Variants in MTHFD1L observed in about 807,000 individuals in gnomAD.
MTHFD1L encodes the protein monofunctional C1-tetrahydrofolate synthase, mitochondrial.
MTHFD1L carries 81 observed loss-of-function variants against 119.5 expected under a neutral mutation model. The ratio of observed to expected loss-of-function variants is 0.68; its 90% confidence interval spans 0.57 to 0.82. MTHFD1L has a LOEUF of 0.82. MTHFD1L is among the 40% of genes least tolerant of loss of function. The pLI, the probability that MTHFD1L is intolerant of heterozygous loss-of-function variation, is 0.00. For missense variants in MTHFD1L, 1,125 were observed against 1,253.4 expected, an observed-to-expected ratio of 0.90 and a Z score of 1.55; for synonymous variants, 430 against 475.2, an observed-to-expected ratio of 0.90 and a Z score of 1.24.
chr6:150,879,648 G>A (rs1315622966), intron 4 of MTHFD1L, among the ~76,000 whole-genome samples: 3 of 76,294 alleles, frequency 3.9e-5, no homozygotes, highest in Non-Finnish European at 6.9e-5. Flanking sequence ...TTTTTTTTCT[G>A]AGACGGAGTC....
At chr6:151,076,863 T>C (rs1254094480) in intron 26 of MTHFD1L, among the ~76,000 whole-genome samples, 1 of 152,180 alleles carries the variant, frequency 6.6e-6, no homozygotes, top group Non-Finnish European at 1.5e-5. Flanking sequence ...TATATGTCCA[T>C]GTAAAGATCC....
rs1789951343 is a variant in MTHFD1L at position 150,926,188 on chromosome 6, G to T, written c.1149G>T (p.Leu383Phe). Residue 383 changes from leucine (L) to phenylalanine (F), a missense_variant, in exon 11 of 28, where the codon TTG becomes TTT. Transcript: ENST00000367321. This position sits in a 1 kb window ranked among gnomAD's most constrained non-coding sequence, Gnocchi z 4.3. ...ATGTCCTTGCCAAGGAGATTGGATT[G>T]CTTGCAGATGAAATTGAAATCTATG... ...AVDVLAKEIGLLADEIEIYGK... is the reference protein window; with the variant it reads ...AVDVLAKEIGFLADEIEIYGK... 3.1e-6 allele frequency: 5 copies of T among 1,613,964 alleles called. No individual in the cohort carries two copies. The highest frequency in any genetic ancestry group is 1.3e-5 in the African/African-American group (1 of 74,888).
At chr6:151,001,697 G>A (rs960584789) in intron 20 of MTHFD1L, among the ~76,000 whole-genome samples, 2 of 152,216 alleles carry the variant, frequency 1.3e-5, no homozygotes, top group Admixed American at 1.3e-4. Context: ...TGCAGCGCCA[G>A]TGTTCTCTAC....
At position 150,926,559 on chromosome 6, in the gene MTHFD1L, C is replaced by A. The variant is rs563198409; in HGVS notation, c.1256+264C>A. Among the ~76,000 whole-genome samples the A allele has an allele frequency of 1.3e-5, 2 of 152,116 alleles. No homozygotes were observed. Among genetic ancestry groups the A allele is most frequent in the Non-Finnish European group, 2.9e-5 (2 of 68,008 alleles). On this transcript the variant is annotated intron_variant, in intron 11 of 27. Transcript: ENST00000367321. The surrounding 1 kb of genome is among the most constrained non-coding windows in gnomAD (Gnocchi z 4.3). ...ATATTATGTTGTTATTACCCCTGCTCCTCCTTGACTTTTTGAATTTCATTT... is the reference window on the plus strand; with the variant it reads ...ATATTATGTTGTTATTACCCCTGCTACTCCTTGACTTTTTGAATTTCATTT...
In MTHFD1L at chr6:150,936,809, C is replaced by T. The variant is rs1216082685; in HGVS notation, c.1262C>T (p.Thr421Ile). 4 of 1,613,682 alleles carry T rather than the reference C, an allele frequency of 2.5e-6. No individual in the cohort carries two copies. Among genetic ancestry groups the T allele is most frequent in the Non-Finnish European group, 2.5e-6 (3 of 1,179,654 alleles). ...CTTTCTCCCCCCGAACTCAGGATCA[C>T]ACCCACCCCTCTTGGAGAAGGGAAG... The part of the protein sequence containing the change: ...DGKYVLVAGI[T>I]PTPLGEGKST... The change falls in exon 12 of 28, where the codon ACA becomes ATA. Residue 421 changes from threonine to isoleucine, a missense_variant. By Grantham distance (89) the Thr-to-Ile change is moderately conservative. Around this residue, in one of 3 missense-constraint regions of MTHFD1L, gnomAD observed 1,058 missense variants for 1,151.2 expected, o/e 0.92. Transcript: ENST00000367321.
chr6:150,912,447 A>T (rs184726890), intron 8 of MTHFD1L, among the ~76,000 whole-genome samples: 16 of 152,134 alleles, frequency 1.1e-4, no homozygotes, highest in Non-Finnish European at 1.9e-4. Context: ...TGCTTTTTTG[A>T]TAAGAAGGAT....
chr6:151,008,307 C>T lies in MTHFD1L; in HGVS notation c.2126-1512C>T, dbSNP rs114140834. 5.5e-3 allele frequency among the ~76,000 whole-genome samples: 839 copies of T among 152,274 alleles called. 7 individuals carry two copies. The highest frequency in any genetic ancestry group is 0.019 in the African/African-American group (788 of 41,546). On this transcript the variant is annotated intron_variant, in intron 20 of 27. Coordinates refer to ENST00000367321, the MANE Select transcript of MTHFD1L (RefSeq NM_015440.5). ...CTGATATCTTAGTTAATTTTTCTCC[C>T]GCCAGTTCCGATCGGTGTCCTGGTC... is the stretch of plus-strand genomic sequence containing the variant.
chr6:150,911,555 G>T lies in MTHFD1L; in HGVS notation c.892+5794G>T, dbSNP rs922355380. ...TATGATGCTGGCATTTGCTTGGAAGGCCTTCTGGAAGGCCTCAGGAAACTT... is the reference window on the plus strand; with the variant it reads ...TATGATGCTGGCATTTGCTTGGAAGTCCTTCTGGAAGGCCTCAGGAAACTT... On this transcript the variant is annotated intron_variant, in intron 8 of 27. Coordinates refer to ENST00000367321, the MANE Select transcript of MTHFD1L (RefSeq NM_015440.5). Among the ~76,000 whole-genome samples, 5 of 152,238 alleles carry T rather than the reference G, an allele frequency of 3.3e-5. No homozygotes were observed. In the South Asian group the frequency reaches 8.3e-4, roughly 25 times the overall value.
intron 26 of MTHFD1L, among the ~76,000 whole-genome samples, chr6:151,054,143 T>C (rs1047857848): frequency 1.3e-4 from 20 of 152,326 alleles, no homozygotes; most frequent in Non-Finnish European, 5.9e-5. Context: ...ATTCAGCGTC[T>C]TTGAAGCATT....
chr6:150,961,080 T>G (rs968062044), intron 18 of MTHFD1L, among the ~76,000 whole-genome samples: 10 of 149,978 alleles, frequency 6.7e-5, no homozygotes, highest in African/African-American at 2.2e-4. Context: ...TAACAACCTT[T>G]CCTGTTAACT....
chr6:150,870,246 A>G (rs1238851260), intron 1 of MTHFD1L, among the ~76,000 whole-genome samples: 1 of 152,224 alleles, frequency 6.6e-6, no homozygotes, highest in East Asian at 1.9e-4. Context: ...CCCCAAGGAC[A>G]TGAAAATCTC....
chr6:150,881,054 G>A (rs1223356703), intron 4 of MTHFD1L, among the ~76,000 whole-genome samples: 1 of 152,066 alleles, frequency 6.6e-6, no homozygotes, highest in Non-Finnish European at 1.5e-5. Flanking sequence ...CTGCTTTGTT[G>A]ATTGTTTGCT....
intron 17 of MTHFD1L, among the ~76,000 whole-genome samples, chr6:150,959,689 A>G (rs957857532): frequency 6.6e-6 from 1 of 152,202 alleles, no homozygotes; most frequent in Admixed American, 6.5e-5. Context: ...CCTCACATGC[A>G]GGAAGCCAGC....
At chr6:150,933,277 T>G (rs1340021205) in intron 11 of MTHFD1L, among the ~76,000 whole-genome samples, 2 of 152,056 alleles carry the variant, frequency 1.3e-5, no homozygotes, top group Non-Finnish European at 2.9e-5. Context: ...GTGACACAGT[T>G]TAGGTAAACC....
At chr6:151,017,588 A>G (rs113030454) in intron 24 of MTHFD1L, among the ~76,000 whole-genome samples, 9,930 of 152,030 alleles carry the variant, frequency 0.065, 1,076 homozygotes, top group African/African-American at 0.23. Flanking sequence ...CTTGTGATCC[A>G]CCCACCTCGG....
chr6:151,016,170 G>A (rs1783022249), intron 24 of MTHFD1L, among the ~76,000 whole-genome samples: 1 of 152,128 alleles, frequency 6.6e-6, no homozygotes, highest in African/African-American at 2.4e-5. Context: ...CTAGCTCCTT[G>A]TCCCAAAGCC....
At chr6:150,959,045 A>T (rs753702920) in intron 17 of MTHFD1L, 2 of 262,854 alleles carry the variant, frequency 7.6e-6, no homozygotes, top group African/African-American at 2.3e-5. Flanking sequence ...ACTGTTTATA[A>T]TAGAATGGTA....
intron 19 of MTHFD1L, among the ~76,000 whole-genome samples, chr6:150,970,502 G>A (rs555803953): frequency 6.6e-6 from 1 of 152,246 alleles, no homozygotes; most frequent in East Asian, 1.9e-4. Context: ...TTCCATTTAT[G>A]CATTTATTTG....
intron 11 of MTHFD1L, among the ~76,000 whole-genome samples, chr6:150,934,145 A>G (rs565509824): frequency 7.2e-5 from 11 of 152,288 alleles, no homozygotes; most frequent in South Asian, 6.2e-4. Flanking sequence ...TCCCAGCTCT[A>G]CTGCTTACTA....
Sources: allele counts gnomAD v4.1 joint callset (sites outside exome capture counted in the v4.1 genomes callset), GRCh38; gene constraint gnomAD v4.1.1; regional missense constraint gnomAD v4.1.1; non-coding constraint Gnocchi (gnomAD v3.1); transcripts MANE v1.5; gene names NCBI Gene and HGNC (gene_info 2026-07-23, HGNC 2026-07-21).